Variants in HIVEP3 observed in about 807,000 individuals in gnomAD.
HIVEP3 encodes HIVEP zinc finger 3, also known as transcription factor HIVEP3.
A neutral mutation model predicts 152.8 loss-of-function variants in HIVEP3; 49 were observed. That is an observed-to-expected ratio of 0.32 (90% CI 0.26 to 0.41). HIVEP3 has a LOEUF of 0.41. HIVEP3 is among the 10% of genes least tolerant of loss of function. The pLI is 1.00. For missense variants in HIVEP3, 2,790 were observed against 3,103.3 expected, an observed-to-expected ratio of 0.90 and a Z score of 2.40; for synonymous variants, 1,269 against 1,289.0, an observed-to-expected ratio of 0.98 and a Z score of 0.33.
chr1:41,935,720 T>TTA (rs1168488607), intron 1 of HIVEP3, among the ~76,000 whole-genome samples: 4 of 147,684 alleles, frequency 2.7e-5, no homozygotes, highest in Admixed American at 6.8e-5. Context: ...CTTCTTGAAA[T>TTA]TATATATATA....
At chr1:41,959,523 C>T (rs191422449) in intron 1 of HIVEP3, among the ~76,000 whole-genome samples, 12 of 152,338 alleles carry the variant, frequency 7.9e-5, no homozygotes, top group Non-Finnish European at 1.8e-4. Context: ...TGCTGCTGGC[C>T]TGATCGAGCA....
At chr1:41,925,562 G>A (rs747351981) in intron 1 of HIVEP3, among the ~76,000 whole-genome samples, 5 of 152,166 alleles carry the variant, frequency 3.3e-5, no homozygotes, top group Non-Finnish European at 7.3e-5. Flanking sequence ...GGTATCTCAG[G>A]GGTGGCAGAG....
intron 3 of HIVEP3, among the ~76,000 whole-genome samples, chr1:41,612,703 C>T (rs759901936): frequency 3.9e-5 from 6 of 152,160 alleles, no homozygotes; most frequent in African/African-American, 7.2e-5. Flanking sequence ...TGGACAAATA[C>T]GGTATCCTGA....
chr1:41,521,313 G>C (rs1223198319), intron 6 of HIVEP3, among the ~76,000 whole-genome samples: 1 of 152,228 alleles, frequency 6.6e-6, no homozygotes, highest in African/African-American at 2.4e-5. Context: ...AGGAAGAGAT[G>C]CTAAGATGAT....
intron 5 of HIVEP3, among the ~76,000 whole-genome samples, chr1:41,569,564 T>A (rs540638866): frequency 6.6e-6 from 1 of 152,346 alleles, no homozygotes; most frequent in East Asian, 1.9e-4. Context: ...GCACAGCAGA[T>A]GATTAGGCTG....
chr1:41,881,701 T>C lies in HIVEP3; in HGVS notation c.-801+36712A>G, dbSNP rs1405611188. Among the ~76,000 whole-genome samples the C allele has an allele frequency of 7.2e-5, 11 of 152,362 alleles. No homozygotes were observed. The South Asian group carries it at 2.3e-3, about 32-fold the overall frequency. On this transcript the variant is annotated intron_variant, in intron 1 of 8. Transcript: ENST00000372583. The stretch of plus-strand genomic sequence containing the variant: ...TTCTTATTGTAGAGTATTTCAGATG[T>C]AGGTACAGCATTGAGAAGGACCATA...
intron 1 of HIVEP3, among the ~76,000 whole-genome samples, chr1:42,021,901 G>C (rs1424355042): frequency 6.6e-6 from 1 of 152,156 alleles, no homozygotes; most frequent in Non-Finnish European, 1.5e-5. Flanking sequence ...ATGTACTAAA[G>C]AAAAACCAGG....
chr1:41,783,303 T>C (rs895702441), intron 1 of HIVEP3, among the ~76,000 whole-genome samples: 3 of 152,168 alleles, frequency 2.0e-5, no homozygotes, highest in African/African-American at 7.2e-5. Flanking sequence ...ATTCATTCCG[T>C]ATTCATTCCC....
intron 1 of HIVEP3, among the ~76,000 whole-genome samples, chr1:41,764,569 A>T (rs1647893371): frequency 6.6e-6 from 1 of 152,194 alleles, no homozygotes; most frequent in Non-Finnish European, 1.5e-5. Flanking sequence ...AAAGGATAAG[A>T]GTCTGGGTGG....
At position 41,510,944 on chromosome 1, in the gene HIVEP3, C is replaced by T. The variant is rs770448762; in HGVS notation, c.6728G>A (p.Arg2243His). Residue 2243 changes from arginine to histidine, a missense_variant, in exon 9 of 9, where the codon CGC becomes CAC. Arg to His is a conservative substitution (Grantham distance 29). Coordinates refer to ENST00000372583, the MANE Select transcript of HIVEP3 (RefSeq NM_024503.5). ...TGACGAGCTCTCAGTGGGACTCCAG[C>T]GGCCTCGCTCCTGGGCCTCCCGGGC... ...TGAREAQERGRWSPTESSSAS... is the reference protein window; with the variant it reads ...TGAREAQERGHWSPTESSSAS... 23 of 1,613,454 alleles carry T rather than the reference C, an allele frequency of 1.4e-5. No individual in the cohort carries two copies. Among genetic ancestry groups the T allele is most frequent in the Admixed American group, 8.3e-5 (5 of 60,008 alleles).
chr1:41,850,235 T>C (rs559410440), intron 1 of HIVEP3, among the ~76,000 whole-genome samples: 3 of 152,248 alleles, frequency 2.0e-5, no homozygotes, highest in African/African-American at 7.2e-5. Flanking sequence ...TTCAATAGTA[T>C]CACCTGTCTT....
At chr1:42,025,453 T>C (rs1478255890) in intron 1 of HIVEP3, among the ~76,000 whole-genome samples, 2 of 152,228 alleles carry the variant, frequency 1.3e-5, no homozygotes, top group Non-Finnish European at 2.9e-5. Flanking sequence ...ACAATAAGCA[T>C]AGGTTTTTAT....
intron 1 of HIVEP3, among the ~76,000 whole-genome samples, chr1:41,763,442 C>T (rs1183836042): frequency 6.6e-6 from 1 of 152,210 alleles, no homozygotes. Flanking sequence ...ACCTGCCTGG[C>T]TCTCATGCTT....
At chr1:41,633,457 T>G (rs1645226085) in intron 2 of HIVEP3, among the ~76,000 whole-genome samples, 2 of 152,064 alleles carry the variant, frequency 1.3e-5, no homozygotes, top group Non-Finnish European at 2.9e-5. Context: ...GTGGATCCTC[T>G]CAGTTTCCAA....
chr1:41,588,846 GCT>G (rs1384149525), intron 3 of HIVEP3, among the ~76,000 whole-genome samples: 4 of 152,108 alleles, frequency 2.6e-5, no homozygotes, highest in Admixed American at 1.3e-4. Flanking sequence ...CTGGACTAGT[GCT>G]CTCTGCCAGC....
intron 1 of HIVEP3, among the ~76,000 whole-genome samples, chr1:41,716,284 C>G (rs1214023795): frequency 6.6e-6 from 1 of 152,138 alleles, no homozygotes; most frequent in Non-Finnish European, 1.5e-5. Context: ...AAAGTCCCAG[C>G]CAGAGATAAG....
chr1:41,709,178 C>T (rs898920667), intron 1 of HIVEP3, among the ~76,000 whole-genome samples: 4 of 152,226 alleles, frequency 2.6e-5, no homozygotes, highest in Admixed American at 2.0e-4. Flanking sequence ...GAAGCTGGAA[C>T]ATGCCTGGAT....
At chr1:41,616,696 T>C (rs977201867) in intron 3 of HIVEP3, among the ~76,000 whole-genome samples, 2 of 139,984 alleles carry the variant, frequency 1.4e-5, no homozygotes, top group African/African-American at 5.3e-5. Context: ...CAAATGATCC[T>C]CCCGCCTTAG....
chr1:41,643,724 G>A (rs1304115383), intron 2 of HIVEP3, among the ~76,000 whole-genome samples: 2 of 152,072 alleles, frequency 1.3e-5, no homozygotes, highest in African/African-American at 2.4e-5. Context: ...CATGGCCTAG[G>A]AACCTGGAGA....
Sources: gnomAD v4.1 joint callset for allele counts (sites outside exome capture counted in the v4.1 genomes callset) on GRCh38, gnomAD v4.1.1 for gene constraint, MANE v1.5 for transcripts, NCBI Gene and HGNC (gene_info 2026-07-23, HGNC 2026-07-21) for gene names.